Variants in DPP10 observed in about 807,000 individuals in gnomAD.
DPP10 encodes the protein dipeptidyl peptidase like 10.
DPP10 carries 33 observed loss-of-function variants against 120.9 expected under a neutral mutation model. The ratio of observed to expected loss-of-function variants is 0.27; its 90% confidence interval spans 0.21 to 0.37. The LOEUF is 0.37. Ranked by LOEUF, DPP10 falls within the 10% of genes least tolerant of loss-of-function variation. The probability of loss-of-function intolerance (pLI) is 1.00; values close to 1 mark genes in which losing one functional copy is unlikely to be tolerated. For missense variants in DPP10, 816 were observed against 942.8 expected (o/e 0.87, Z 1.76); for synonymous variants, 337 against 326.1 (o/e 1.03, Z -0.36).
intron 5 of DPP10, among the ~76,000 whole-genome samples, chr2:115,548,597 A>G (rs2079661829): frequency 6.6e-6 from 1 of 152,144 alleles, no homozygotes; most frequent in South Asian, 2.1e-4. Context: ...TATTACTTCA[A>G]ACAATAAAGA....
Position 115,525,995 on chromosome 2 carries a change from G to C in DPP10, c.441+23G>C, listed in dbSNP as rs769489880. The stretch of plus-strand genomic sequence containing the variant: ...CAGGTAAAGGAGTGATCTTCTTTGA[G>C]AATACTTTTCTTTGTGATGCATTGG... On this transcript the variant is annotated intron_variant, in intron 5 of 25. Coordinates refer to ENST00000410059, the MANE Select transcript of DPP10 (RefSeq NM_020868.6). The C allele has an allele frequency of 5.1e-6, 8 of 1,577,068 alleles. No homozygotes were observed. The South Asian group carries it at 9.3e-5, about 18-fold the overall frequency.
At chr2:115,310,860 T>C (rs2061547896) in intron 2 of DPP10, among the ~76,000 whole-genome samples, 1 of 152,190 alleles carries the variant, frequency 6.6e-6, no homozygotes, top group African/African-American at 2.4e-5. Context: ...CATGTCATAA[T>C]CCCTGTGTAT....
intron 1 of DPP10, among the ~76,000 whole-genome samples, chr2:115,259,573 A>C (rs2059158589): frequency 2.6e-5 from 4 of 152,084 alleles, no homozygotes; most frequent in African/African-American, 7.2e-5. Context: ...ATCCAGAATG[A>C]CCCTAGAAAA....
At chr2:114,993,417 A>AT (rs1700865598) in intron 1 of DPP10, among the ~76,000 whole-genome samples, 3 of 150,774 alleles carry the variant, frequency 2.0e-5, no homozygotes, top group African/African-American at 7.3e-5. Flanking sequence ...TAGGGTTAAG[A>AT]TTTTTCCACC....
chr2:115,791,855 A>T (rs1204193596), intron 19 of DPP10, among the ~76,000 whole-genome samples: 1 of 152,164 alleles, frequency 6.6e-6, no homozygotes. Context: ...TTGTAAGGCT[A>T]TATCATGACT....
At chr2:114,804,341 C>T (rs567205370) in intron 1 of DPP10, among the ~76,000 whole-genome samples, 5 of 152,260 alleles carry the variant, frequency 3.3e-5, no homozygotes, top group Non-Finnish European at 5.9e-5. Flanking sequence ...GTTGGAGACC[C>T]CACACAGAGT....
intron 1 of DPP10, among the ~76,000 whole-genome samples, chr2:115,138,156 TG>T (rs1472683029): frequency 6.6e-6 from 1 of 152,170 alleles, no homozygotes; most frequent in Non-Finnish European, 1.5e-5. Context: ...GGGGTCTGGG[TG>T]GCTATCTGGA....
At chr2:114,539,708 G>A (rs1430110) in intron 1 of DPP10, among the ~76,000 whole-genome samples, 3,247 of 151,940 alleles carry the variant, frequency 0.021, 87 homozygotes, top group African/African-American at 0.069. Flanking sequence ...TACTGCACCT[G>A]GCACAAAGAA....
chr2:114,823,273 G>A (rs752747237), intron 1 of DPP10, among the ~76,000 whole-genome samples: 1 of 152,002 alleles, frequency 6.6e-6, no homozygotes, highest in African/African-American at 2.4e-5. Flanking sequence ...CAAACAAAAC[G>A]GGAAGCCCTT....
intron 5 of DPP10, among the ~76,000 whole-genome samples, chr2:115,682,588 G>C (rs1331507594): frequency 6.6e-6 from 1 of 151,710 alleles, no homozygotes; most frequent in Non-Finnish European, 1.5e-5. Flanking sequence ...CCTGCTCAAA[G>C]ATCTCCTTTG....
chr2:114,699,072 A>G (rs916034231), intron 1 of DPP10, among the ~76,000 whole-genome samples: 1 of 152,082 alleles, frequency 6.6e-6, no homozygotes, highest in African/African-American at 2.4e-5. Flanking sequence ...CTGTTGTTCT[A>G]TTTGTCCATG....
At position 115,241,424 on chromosome 2, in the gene DPP10, C is replaced by T. The variant is rs1209391856; in HGVS notation, c.61-67815C>T. ...TTTCTTTACTCTTTCTCTGCAAAAG[C>T]ATAATCCATCTCATTGCTGATATTC... On this transcript the variant is annotated intron_variant, in intron 1 of 25. Transcript: ENST00000410059. Among the ~76,000 whole-genome samples, 3 of 152,328 alleles carry T rather than the reference C, an allele frequency of 2.0e-5. No homozygotes were observed. The East Asian group carries it at 5.8e-4, about 29-fold the overall frequency.
At chr2:115,536,258 A>T (rs1247151626) in intron 5 of DPP10, among the ~76,000 whole-genome samples, 2 of 152,034 alleles carry the variant, frequency 1.3e-5, no homozygotes, top group African/African-American at 4.8e-5. Flanking sequence ...AGACAAAATT[A>T]TAAAAATAGT....
intron 1 of DPP10, among the ~76,000 whole-genome samples, chr2:114,848,932 A>G (rs1344760363): frequency 1.3e-5 from 2 of 152,176 alleles, no homozygotes; most frequent in African/African-American, 2.4e-5. Flanking sequence ...ATCTGATACA[A>G]GATGACTTCC....
intron 2 of DPP10, among the ~76,000 whole-genome samples, chr2:115,332,200 G>T (rs965670400): frequency 6.6e-6 from 1 of 152,140 alleles, no homozygotes; most frequent in Non-Finnish European, 1.5e-5. Context: ...AGATTTTCTA[G>T]TTTATTTGCA....
At chr2:114,934,638 G>A (rs966177220) in intron 1 of DPP10, among the ~76,000 whole-genome samples, 2 of 151,908 alleles carry the variant, frequency 1.3e-5, no homozygotes, top group Non-Finnish European at 2.9e-5. Flanking sequence ...GTGTGTGTGT[G>A]TATGTGTGTA....
chr2:115,244,237 TATAGAGAGAGAGAGAGAGAGAG>T (rs1371422667), intron 1 of DPP10, among the ~76,000 whole-genome samples: 59 of 67,096 alleles, frequency 8.8e-4, no homozygotes, highest in African/African-American at 3.8e-3. Flanking sequence ...TATATATATA[TATAGAGAGAGAGAGAGAGAGAG>T]AGAGAGAGAG....
rs57107624 is a variant in DPP10, at chr2:114,965,964, CAAAAAAAAAAAAA to C, written c.61-343264_61-343252del. ...TTGGGCGCAGAGCGAGACTCCTTCT[CAAAAAAAAAAAAA>C]AAAAAAAAAAGAAAAAAAAAGAAAA... is the stretch of plus-strand genomic sequence containing the variant. On this transcript the variant is annotated intron_variant, in intron 1 of 25. Coordinates refer to ENST00000410059, the MANE Select transcript of DPP10 (RefSeq NM_020868.6). Among the ~76,000 whole-genome samples the C allele has an allele frequency of 1.3e-4, 10 of 74,822 alleles. No homozygotes were observed. In the South Asian group the frequency reaches 3.6e-3, roughly 27 times the overall value. 49.1% of individuals were successfully genotyped at this position (74,822 alleles called of 152,430 possible). A position where few individuals can be genotyped will look rare whatever the true frequency, so the allele number is the denominator to read the frequency against.
At chr2:115,270,608 C>T (rs2059658253) in intron 1 of DPP10, among the ~76,000 whole-genome samples, 1 of 152,134 alleles carries the variant, frequency 6.6e-6, no homozygotes, top group African/African-American at 2.4e-5. Flanking sequence ...AAGCAGATTA[C>T]CTTACAAATG....
Sources: gnomAD v4.1 joint callset for allele counts (sites outside exome capture counted in the v4.1 genomes callset) on GRCh38, gnomAD v4.1.1 for gene constraint, MANE v1.5 for transcripts, NCBI Gene and HGNC (gene_info 2026-07-23, HGNC 2026-07-21) for gene names.